DGKI: variants seen among roughly 807,000 people sequenced by gnomAD.
DGKI encodes the protein DAG kinase iota.
DGKI carries 55 observed loss-of-function variants against 147.5 expected under a neutral mutation model. That is an observed-to-expected ratio of 0.37 (90% CI 0.30 to 0.47). The LOEUF (loss-of-function observed/expected upper bound fraction) is 0.47, where lower values mean the gene tolerates loss of function less well. Ranked by LOEUF, DGKI falls within the 20% of genes least tolerant of loss-of-function variation. DGKI has a pLI of 1.00. For missense variants in DGKI, 1,007 were observed against 1,323.8 expected (o/e 0.76, Z 3.71); for synonymous variants, 469 against 477.1 (o/e 0.98, Z 0.22).
intron 1 of DGKI, among the ~76,000 whole-genome samples, chr7:137,835,194 G>A (rs1014518894): frequency 5.9e-5 from 9 of 152,074 alleles, no homozygotes; most frequent in African/African-American, 9.7e-5. Context: ...AGATGGTATC[G>A]GTGAATGTCA....
At chr7:137,470,585 A>C (rs188437157) in intron 23 of DGKI, among the ~76,000 whole-genome samples, 23 of 151,850 alleles carry the variant, frequency 1.5e-4, no homozygotes, top group African/African-American at 5.6e-4. Flanking sequence ...ATTTTTTGAG[A>C]CAGGCTGTCT....
intron 5 of DGKI, among the ~76,000 whole-genome samples, chr7:137,653,120 A>G (rs1484654062): frequency 1.3e-5 from 2 of 151,990 alleles, no homozygotes; most frequent in South Asian, 2.1e-4. Context: ...GTGTGTGTGT[A>G]TGTGTGTTTG....
intron 5 of DGKI, 77 bp downstream of exon 5, chr7:137,654,655 C>T: frequency 9.4e-7 from 1 of 1,063,600 alleles, no homozygotes. Flanking sequence ...TTTTTATTCC[C>T]TGGTGAATAT....
intron 8 of DGKI, among the ~76,000 whole-genome samples, chr7:137,618,536 C>G (rs980778947): frequency 2.0e-5 from 3 of 151,640 alleles, no homozygotes; most frequent in Non-Finnish European, 2.9e-5. Flanking sequence ...TGCCTATTAG[C>G]CTTCCTGATA....
chr7:137,439,813 G>A (rs191305576), intron 28 of DGKI, among the ~76,000 whole-genome samples: 1 of 152,180 alleles, frequency 6.6e-6, no homozygotes, highest in African/African-American at 2.4e-5. Flanking sequence ...AGAATGTGAC[G>A]GCCATAGTTG....
intron 1 of DGKI, among the ~76,000 whole-genome samples, chr7:137,745,706 T>C (rs1470791778): frequency 6.6e-6 from 1 of 152,076 alleles, no homozygotes; most frequent in Non-Finnish European, 1.5e-5. Flanking sequence ...TGGTGGCAAC[T>C]CAGATATGCC....
chr7:137,702,913 G>A (rs183857976), intron 1 of DGKI, among the ~76,000 whole-genome samples: 67 of 152,226 alleles, frequency 4.4e-4, no homozygotes, highest in African/African-American at 1.4e-3. Context: ...TAACAACTGG[G>A]GCAAATAAGA....
At chr7:137,782,741 A>G (rs74652779) in intron 1 of DGKI, among the ~76,000 whole-genome samples, 1,891 of 152,072 alleles carry the variant, frequency 0.012, 41 homozygotes, top group African/African-American at 0.043. Flanking sequence ...AGTCCACTTT[A>G]CTCCCCTGTC....
intron 20 of DGKI, among the ~76,000 whole-genome samples, chr7:137,532,098 A>G (rs1817360138): frequency 6.6e-6 from 1 of 152,218 alleles, no homozygotes; most frequent in African/African-American, 2.4e-5. Context: ...AGTAGCCAAA[A>G]TTCATGAAGC....
In DGKI at chr7:137,728,035, A is replaced by G. The variant is rs1794761587; in HGVS notation, c.402-38033T>C. Among the ~76,000 whole-genome samples, 3 of 152,210 alleles carry G rather than the reference A, an allele frequency of 2.0e-5. No individual in the cohort carries two copies. In the South Asian group the frequency reaches 6.2e-4, roughly 32 times the overall value. On this transcript the variant is annotated intron_variant, in intron 1 of 32. Coordinates refer to ENST00000614521, the MANE Select transcript of DGKI (RefSeq NM_001321708.2). ...AGTTTGGAGTGAGAAACAAAGAAAA[A>G]AATGTTGAAATGACAAAATTCTAAA...
chr7:137,472,368 AATT>A (rs369931525), intron 23 of DGKI, among the ~76,000 whole-genome samples: 418 of 18,684 alleles, frequency 0.022, 3 homozygotes, highest in East Asian at 0.031. Flanking sequence ...ATATACATAT[AATT>A]ATTATATGTA....
At chr7:137,443,694 G>C (rs1376171918) in intron 28 of DGKI, among the ~76,000 whole-genome samples, 1 of 152,022 alleles carries the variant, frequency 6.6e-6, no homozygotes, top group Non-Finnish European at 1.5e-5. Context: ...ATTCTGGAAG[G>C]GACTGTAGGG....
Position 137,553,467 on chromosome 7 carries a change from T to C in DGKI, c.1948-899A>G, listed in dbSNP as rs193293186. Among the ~76,000 whole-genome samples the C allele has an allele frequency of 8.1e-3, 1,236 of 152,276 alleles. 22 individuals carry two copies. The highest frequency in any genetic ancestry group is 0.028 in the African/African-American group (1,164 of 41,544). On this transcript the variant is annotated intron_variant, in intron 19 of 32. Coordinates refer to ENST00000614521, the MANE Select transcript of DGKI (RefSeq NM_001321708.2). ...ATGAAAGACAGAACTCAGTTCATCA[T>C]GGTAGCCACAGAATGGAGTTTCAAG...
intron 27 of DGKI, among the ~76,000 whole-genome samples, chr7:137,451,964 G>C (rs777937783): frequency 6.6e-5 from 10 of 152,030 alleles, no homozygotes; most frequent in African/African-American, 2.4e-4. Flanking sequence ...CTTCTTTGGA[G>C]ATAGGATGTC....
At chr7:137,669,116 C>T (rs902859828) in intron 3 of DGKI, among the ~76,000 whole-genome samples, 2 of 152,224 alleles carry the variant, frequency 1.3e-5, no homozygotes, top group Admixed American at 6.5e-5. Context: ...GGATTCAAAA[C>T]CAGGTCATCT....
chr7:137,617,675 G>A (rs1339169881), intron 8 of DGKI, among the ~76,000 whole-genome samples: 1 of 151,974 alleles, frequency 6.6e-6, no homozygotes, highest in East Asian at 1.9e-4. Flanking sequence ...GGACCACCAG[G>A]GATGCTCCTG....
chr7:137,771,166 C>G (rs550730094), intron 1 of DGKI, among the ~76,000 whole-genome samples: 83 of 152,316 alleles, frequency 5.4e-4, no homozygotes, highest in African/African-American at 1.9e-3. Context: ...TCTCAGTTCA[C>G]TGCAACCTCC....
intron 21 of DGKI, among the ~76,000 whole-genome samples, chr7:137,492,910 A>T (rs1815821062): frequency 6.6e-6 from 1 of 152,124 alleles, no homozygotes; most frequent in African/African-American, 2.4e-5. Context: ...CTGACAATCA[A>T]ATAGCTCCAG....
chr7:137,719,651 T>C (rs930743681), intron 1 of DGKI, among the ~76,000 whole-genome samples: 1 of 152,174 alleles, frequency 6.6e-6, no homozygotes, highest in African/African-American at 2.4e-5. Context: ...GATATATACG[T>C]ATTATACTTT....
Sources: gnomAD v4.1 joint callset for allele counts (sites outside exome capture counted in the v4.1 genomes callset) on GRCh38, gnomAD v4.1.1 for gene constraint, MANE v1.5 for transcripts, NCBI Gene and HGNC (gene_info 2026-07-23, HGNC 2026-07-21) for gene names.